Variants in CCNK observed in about 807,000 individuals in gnomAD.
The protein encoded by CCNK is cyclin K, also known as cyclin-K.
CCNK carries 9 observed loss-of-function variants against 65.0 expected under a neutral mutation model. That is an observed-to-expected ratio of 0.14 (90% CI 0.08 to 0.24). The LOEUF (loss-of-function observed/expected upper bound fraction) is 0.24. Ranked by LOEUF, CCNK falls within the 10% of genes least tolerant of loss-of-function variation. The pLI, the probability that CCNK is intolerant of heterozygous loss-of-function variation, is 1.00. For missense variants in CCNK, 474 were observed against 720.0 expected (o/e 0.66, Z 3.91); for synonymous variants, 279 against 270.8 (o/e 1.03, Z -0.30).
chr14:99,501,642 A>G (rs542140118), intron 6 of CCNK: 1 of 519,680 alleles, frequency 1.9e-6, no homozygotes, highest in African/African-American at 1.9e-5. Flanking sequence ...AAATTTTATC[A>G]CCAGTCTGAA....
At chr14:99,503,958 C>G (rs1036579538) in intron 9 of CCNK, 8 of 374,488 alleles carry the variant, frequency 2.1e-5, no homozygotes, top group African/African-American at 1.7e-4. Flanking sequence ...TATTTACCCC[C>G]ATCACAGCAG....
intron 1 of CCNK, among the ~76,000 whole-genome samples, chr14:99,489,952 G>A (rs1035696343): frequency 6.6e-6 from 1 of 152,204 alleles, no homozygotes; most frequent in African/African-American, 2.4e-5. Context: ...AATAAATGTT[G>A]AAGCAGTGAA....
Position 99,502,088 on chromosome 14 carries a change from TTTAA to T in CCNK, c.576-114_576-111del, listed in dbSNP as rs997794088. 2.8e-5 allele frequency: 31 copies of T among 1,117,726 alleles called. No homozygotes were observed. The African/African-American group carries it at 3.1e-4, about 11-fold the overall frequency. 69.2% of individuals were successfully genotyped at this position (1,117,726 alleles called of 1,614,324 possible). On this transcript the variant is annotated intron_variant, in intron 6 of 10. Transcript: ENST00000389879. ...ACTTGAGTTTATTTATTTATAGTAC[TTTAA>T]TTAAATTTAGGGGAGAATAAGCAAA...
At chr14:99,495,127 T>C in intron 3 of CCNK, 1 of 171,556 alleles carries the variant, frequency 5.8e-6, no homozygotes. Flanking sequence ...TGAGATGGAT[T>C]CCGCGGGACT....
chr14:99,499,174 A>AG (rs1896765850), intron 4 of CCNK, among the ~76,000 whole-genome samples: 1 of 152,042 alleles, frequency 6.6e-6, no homozygotes. Context: ...CAAGTAGGGG[A>AG]CTACAGGCGC....
chr14:99,497,994 C>T (rs1896737408), intron 4 of CCNK, among the ~76,000 whole-genome samples: 1 of 152,164 alleles, frequency 6.6e-6, no homozygotes. Context: ...GGCCCTGTGT[C>T]CTAACGTGAT....
intron 10 of CCNK, 68 bp downstream of exon 10, chr14:99,507,215 C>T: frequency 1.0e-6 from 1 of 956,948 alleles, no homozygotes. Flanking sequence ...GCAGCAGGTC[C>T]TGGGAACTTA....
At chr14:99,495,775 C>G in intron 4 of CCNK, 146 bp downstream of exon 4, 1 of 646,400 alleles carries the variant, frequency 1.5e-6, no homozygotes, top group Non-Finnish European at 2.5e-6. Context: ...TTACTTGATG[C>G]TTTTGTAAGA....
chr14:99,500,019 A>G (rs759862135), intron 4 of CCNK, among the ~76,000 whole-genome samples: 2 of 152,174 alleles, frequency 1.3e-5, no homozygotes, highest in Non-Finnish European at 2.9e-5. Flanking sequence ...GAGAAGTAAT[A>G]CTGGAGCTAT....
chr14:99,500,591 A>G, intron 4 of CCNK, 175 bp from the exon 5 acceptor site: 1 of 577,262 alleles, frequency 1.7e-6, no homozygotes, highest in South Asian at 2.2e-5. Context: ...ATCTTTTCAG[A>G]ATTTATCAGT....
intron 1 of CCNK, among the ~76,000 whole-genome samples, chr14:99,485,719 G>A (rs1896468149): frequency 6.6e-6 from 1 of 152,096 alleles, no homozygotes; most frequent in Non-Finnish European, 1.5e-5. Flanking sequence ...TTCCAGCCAG[G>A]CACGGTGGCT....
intron 4 of CCNK, among the ~76,000 whole-genome samples, chr14:99,498,936 A>C (rs1461041555): frequency 6.6e-6 from 1 of 152,238 alleles, no homozygotes; most frequent in Non-Finnish European, 1.5e-5. Context: ...TACAGCCTGC[A>C]AGCCAATTGG....
Position 99,511,668 on chromosome 14 carries a change from A to G in CCNK, c.*886A>G, listed in dbSNP as rs1461690249. ...CCACAGCCAACCCCACTGCCTCCCA[A>G]GGCACTCTGGGTGGATCCGCACAGC... On this transcript the variant is annotated 3_prime_UTR_variant, in exon 11 of 11. Coordinates refer to ENST00000389879, the MANE Select transcript of CCNK (RefSeq NM_001099402.2). 6.6e-6 allele frequency: 1 copy of G among 152,510 alleles called. No homozygotes were observed. The highest frequency in any genetic ancestry group is 1.5e-5 in the Non-Finnish European group (1 of 68,070). The allele number at this position is 152,510 out of a possible 1,614,324, so 9.4% of individuals were successfully genotyped here. A position where few individuals can be genotyped will look rare whatever the true frequency, so the allele number is the denominator to read the frequency against.
intron 1 of CCNK, among the ~76,000 whole-genome samples, chr14:99,486,484 G>A (rs1472435429): frequency 2.0e-5 from 3 of 150,520 alleles, no homozygotes; most frequent in Non-Finnish European, 3.0e-5. Flanking sequence ...CTGTGTAGAT[G>A]AACCCCAAGT....
At chr14:99,501,044 T>C (rs932303225) in intron 5 of CCNK, 173 bp downstream of exon 5, 30 of 613,252 alleles carry the variant, frequency 4.9e-5, no homozygotes, top group African/African-American at 4.7e-4. Flanking sequence ...TGTTTCCTTT[T>C]ATGTATAAAC....
chr14:99,482,962 G>A (rs1414719396), intron 1 of CCNK, among the ~76,000 whole-genome samples: 1 of 152,168 alleles, frequency 6.6e-6, no homozygotes, highest in Non-Finnish European at 1.5e-5. Flanking sequence ...GGTAATTGAG[G>A]AGATTACAGA....
chr14:99,482,042 G>T (rs1194971897), intron 1 of CCNK, among the ~76,000 whole-genome samples: 2 of 152,190 alleles, frequency 1.3e-5, no homozygotes, highest in East Asian at 3.9e-4. Flanking sequence ...GGTTGATTTG[G>T]TTTGTTATGA....
chr14:99,484,049 A>G (rs1459013531), intron 1 of CCNK, among the ~76,000 whole-genome samples: 1 of 152,280 alleles, frequency 6.6e-6, no homozygotes, highest in Non-Finnish European at 1.5e-5. Flanking sequence ...AAAATAAAAA[A>G]TAAATAAATT....
chr14:99,481,742 C>T, intron 1 of CCNK: 1 of 362,728 alleles, frequency 2.8e-6, no homozygotes, highest in East Asian at 4.0e-5. Context: ...CACTGGGGGG[C>T]AGTCAGAGTT....
Sources: gnomAD v4.1 joint callset for allele counts (sites outside exome capture counted in the v4.1 genomes callset) on GRCh38, gnomAD v4.1.1 for gene constraint, MANE v1.5 for transcripts, NCBI Gene and HGNC (gene_info 2026-07-23, HGNC 2026-07-21) for gene names.